The following CREG2 variants were observed in gnomAD, a reference collection of about 807,000 sequenced individuals.
CREG2 encodes protein CREG2.
A neutral mutation model predicts 26.2 loss-of-function variants in CREG2; 24 were observed. The observed-to-expected ratio is 0.92, with a 90% CI of 0.66 to 1.29. CREG2 has a LOEUF of 1.29. Ranked by LOEUF, CREG2 falls within the 50% of genes most tolerant of loss-of-function variation. The pLI, the probability that CREG2 is intolerant of heterozygous loss-of-function variation, is 0.00. For missense variants in CREG2, 366 were observed against 398.6 expected (o/e 0.92, Z 0.70); for synonymous variants, 174 against 169.2 (o/e 1.03, Z -0.22).
intron 2 of CREG2, among the ~76,000 whole-genome samples, chr2:101,372,945 C>G (rs957158287): frequency 6.6e-6 from 1 of 152,190 alleles, no homozygotes; most frequent in Non-Finnish European, 1.5e-5. Flanking sequence ...CAAGATATTA[C>G]TTCACACCCA....
At chr2:101,382,010 C>T (rs1403051921) in intron 2 of CREG2, 1 of 152,420 alleles carries the variant, frequency 6.6e-6, no homozygotes, top group Admixed American at 6.5e-5. Context: ...TTGACAAATC[C>T]TCCCCCAGCT....
At chr2:101,358,725 G>C (rs975590555) in intron 2 of CREG2, among the ~76,000 whole-genome samples, 1 of 152,172 alleles carries the variant, frequency 6.6e-6, no homozygotes, top group African/African-American at 2.4e-5. Context: ...TCAGCTGAGG[G>C]GGGCATAAGG....
At chr2:101,377,510 C>T (rs1684811256) in intron 2 of CREG2, among the ~76,000 whole-genome samples, 1 of 152,176 alleles carries the variant, frequency 6.6e-6, no homozygotes, top group Non-Finnish European at 1.5e-5. Context: ...TTTGGGTGGC[C>T]TTTCTTTGTC....
In CREG2 at chr2:101,355,275, C is replaced by A; in HGVS notation, c.703G>T (p.Ala235Ser). Residue 235 changes from alanine (A) to serine (S), a missense_variant, in exon 3 of 4, where the codon GCC becomes TCC. Physicochemically the swap from Ala to Ser is moderately conservative, Grantham distance 99. This residue lies in a region of CREG2 where 174 missense variants were observed against 178.2 expected (regional missense o/e 0.98). Transcript: ENST00000324768. Reference protein sequence around the residue: ...IAVSPEEVEFAKQAMFSRHPG... With the variant: ...IAVSPEEVEFSKQAMFSRHPG... Reference sequence around the variant, plus strand: ...CACCTTGAAAACATGGCTTGCTTGGCAAATTCTACTTCTTCTGGAGACACT... The same window carrying A: ...CACCTTGAAAACATGGCTTGCTTGGAAAATTCTACTTCTTCTGGAGACACT... The A allele has an allele frequency of 1.2e-6, 2 of 1,613,206 alleles. No homozygotes were observed. The highest frequency in any genetic ancestry group is 8.5e-7 in the Non-Finnish European group (1 of 1,179,192).
At chr2:101,373,050 C>CA (rs1006904110) in intron 2 of CREG2, among the ~76,000 whole-genome samples, 1 of 152,134 alleles carries the variant, frequency 6.6e-6, no homozygotes, top group African/African-American at 2.4e-5. Context: ...AACAGTTGGG[C>CA]AGTTCTCCAA....
rs1342769784 is a variant in CREG2 at position 101,350,500 on chromosome 2, T to G, written c.*423A>C. 1 of 156,806 alleles carries G rather than the reference T, an allele frequency of 6.4e-6. No individual in the cohort carries two copies. Among genetic ancestry groups the G allele is most frequent in the African/African-American group, 2.4e-5 (1 of 41,506 alleles). The allele number at this position is 156,806 out of a possible 1,614,324, so 9.7% of individuals were successfully genotyped here. A position where few individuals can be genotyped will look rare whatever the true frequency, so the allele number is the denominator to read the frequency against. On this transcript the variant is annotated 3_prime_UTR_variant, in exon 4 of 4. Coordinates refer to ENST00000324768, the MANE Select transcript of CREG2 (RefSeq NM_153836.4). ...ACAGTCAGCTGCTTCGTGGTCACAG[T>G]GAACTTAGAACCAAGACTGCATTTG...
chr2:101,383,584 T>C lies in CREG2; in HGVS notation c.560A>G (p.Lys187Arg). The change falls in exon 2 of 4, where the codon AAG becomes AGG. Residue 187 changes from lysine to arginine, a missense_variant. Physicochemically the swap from Lys to Arg is conservative, Grantham distance 26. Transcript: ENST00000324768. ...AKDPVVADLM[K>R]NPMASLMLPE... ...CAGCATCAGCGAGGCCATGGGGTTC[T>C]TCATCAGATCAGCCACCACGGGGTC... 1 of 1,614,198 alleles carries C rather than the reference T, an allele frequency of 6.2e-7. No homozygotes were observed. Among genetic ancestry groups the C allele is most frequent in the Non-Finnish European group, 8.5e-7 (1 of 1,180,038 alleles).
In CREG2 at chr2:101,345,810, T is replaced by C. The variant is rs145945684; in HGVS notation, c.*5113A>G. ...TTCAATTATTTAAATAAATACAGAC[T>C]TTTTGGAAAAATTGTAGAAATACCT... is the stretch of plus-strand genomic sequence containing the variant. On this transcript the variant is annotated 3_prime_UTR_variant, in exon 4 of 4. Transcript: ENST00000324768. The C allele has an allele frequency of 3.1e-3, 465 of 151,722 alleles. 3 individuals are homozygous for C. The highest frequency in any genetic ancestry group is 0.01 in the African/African-American group (418 of 41,312). The allele number at this position is 151,722 out of a possible 1,614,324, so 9.4% of individuals were successfully genotyped here. A position where few individuals can be genotyped will look rare whatever the true frequency, so the allele number is the denominator to read the frequency against.
At chr2:101,385,898 T>C (rs533569186) in intron 1 of CREG2, among the ~76,000 whole-genome samples, 1 of 152,224 alleles carries the variant, frequency 6.6e-6, no homozygotes, top group Non-Finnish European at 1.5e-5. Flanking sequence ...CTCTAATACA[T>C]TGGCACGAGA....
intron 2 of CREG2, among the ~76,000 whole-genome samples, chr2:101,355,937 C>T (rs1004426018): frequency 4.6e-5 from 7 of 152,090 alleles, no homozygotes; most frequent in South Asian, 2.1e-4. Flanking sequence ...GTCAGGGTGA[C>T]GTACACCCTG....
At chr2:101,361,869 C>A (rs186289147) in intron 2 of CREG2, among the ~76,000 whole-genome samples, 50 of 152,130 alleles carry the variant, frequency 3.3e-4, no homozygotes, top group Middle Eastern at 6.8e-3. Flanking sequence ...CCCTGGGGAC[C>A]CTGATGCATG....
At position 101,383,636 on chromosome 2, in the gene CREG2, T is replaced by A. The variant is rs181744759; in HGVS notation, c.508A>T (p.Ile170Phe). 5.0e-6 allele frequency: 8 copies of A among 1,614,088 alleles called. No homozygotes were observed. The East Asian group carries it at 1.8e-4, about 36-fold the overall frequency. The change falls in exon 2 of 4, where the codon ATT (isoleucine) becomes TTT (phenylalanine). Residue 170 changes from isoleucine to phenylalanine, a missense_variant. Coordinates refer to ENST00000324768, the MANE Select transcript of CREG2 (RefSeq NM_153836.4). Reference sequence around the variant, plus strand: ...TTGGCTGTCATGTAGAAGAAAGGAATCCCAGTGCTATTGTTGAAGGGGCCA... The same window carrying A: ...TTGGCTGTCATGTAGAAGAAAGGAAACCCAGTGCTATTGTTGAAGGGGCCA... ...SDGPFNNSTG[I>F]PFFYMTAKDP... is the part of the protein sequence containing the mutation.
intron 2 of CREG2, among the ~76,000 whole-genome samples, chr2:101,366,416 G>T (rs1038690797): frequency 5.3e-5 from 8 of 152,148 alleles, no homozygotes; most frequent in Non-Finnish European, 1.0e-4. Flanking sequence ...TTGTTCAGAA[G>T]CCTTGGACAT....
intron 3 of CREG2, among the ~76,000 whole-genome samples, chr2:101,351,576 T>G (rs1014693736): frequency 2.6e-5 from 4 of 152,118 alleles, no homozygotes; most frequent in Admixed American, 6.5e-5. Context: ...ACCAGTTCGT[T>G]CATGGGAAGA....
At chr2:101,380,017 A>G (rs1159839953) in intron 2 of CREG2, among the ~76,000 whole-genome samples, 1 of 150,916 alleles carries the variant, frequency 6.6e-6, no homozygotes, top group Non-Finnish European at 1.5e-5. Context: ...CTATCTATCA[A>G]TCATCTATCC....
chr2:101,365,197 C>G (rs1198227972), intron 2 of CREG2, among the ~76,000 whole-genome samples: 1 of 152,130 alleles, frequency 6.6e-6, no homozygotes, highest in Non-Finnish European at 1.5e-5. Flanking sequence ...CTAGGGTAAC[C>G]CTAGAACAAA....
At chr2:101,374,886 C>G (rs78925758) in intron 2 of CREG2, among the ~76,000 whole-genome samples, 2,766 of 152,278 alleles carry the variant, frequency 0.018, 93 homozygotes, top group African/African-American at 0.062. Flanking sequence ...TCTCTTTTTA[C>G]TTTTCACACA....
intron 2 of CREG2, among the ~76,000 whole-genome samples, chr2:101,370,062 A>T (rs1684680635): frequency 6.6e-6 from 1 of 152,190 alleles, no homozygotes; most frequent in Non-Finnish European, 1.5e-5. Context: ...CAGGTTGCCT[A>T]GGAGTGAATC....
At position 101,387,153 on chromosome 2, in the gene CREG2, C is replaced by A. The variant is rs1684984875; in HGVS notation, c.305G>T (p.Gly102Val). ...ARARPPPAPP[G>V]MFSYRREGGQ... Reference sequence around the variant, plus strand: ...GCCCTCGCGCCGGTAGGAGAACATCCCGGGTGGCGCGGGGGGCGGCCTGGC... The same window carrying A: ...GCCCTCGCGCCGGTAGGAGAACATCACGGGTGGCGCGGGGGGCGGCCTGGC... The change falls in exon 1 of 4, where the codon GGG (glycine) becomes GTG (valine). Residue 102 changes from glycine to valine, a missense_variant. This residue lies in a region of CREG2 where 177 missense variants were observed against 183.3 expected (regional missense o/e 0.97). Coordinates refer to ENST00000324768, the MANE Select transcript of CREG2 (RefSeq NM_153836.4). The surrounding 1 kb of genome is among the most constrained non-coding windows in gnomAD (Gnocchi z 4.7). The A allele has an allele frequency of 7.9e-7, 1 of 1,266,974 alleles. No individual in the cohort carries two copies. Among genetic ancestry groups the A allele is most frequent in the Non-Finnish European group, 9.9e-7 (1 of 1,005,864 alleles). 78.5% of individuals were successfully genotyped at this position (1,266,974 alleles called of 1,614,324 possible).
Sources: gnomAD v4.1 joint callset for allele counts (sites outside exome capture counted in the v4.1 genomes callset) on GRCh38, gnomAD v4.1.1 for gene constraint, gnomAD v4.1.1 regional missense constraint, Gnocchi (gnomAD v3.1) non-coding constraint, MANE v1.5 for transcripts, NCBI Gene and HGNC (gene_info 2026-07-23, HGNC 2026-07-21) for gene names.